PLA2G4C: variants seen among roughly 807,000 people sequenced by gnomAD.
PLA2G4C encodes cytosolic phospholipase A2 gamma.
PLA2G4C carries 64 observed loss-of-function variants against 73.8 expected under a neutral mutation model. That is an observed-to-expected ratio of 0.87 (90% CI 0.71 to 1.07). PLA2G4C has a LOEUF of 1.07. Among genes scored for constraint, PLA2G4C ranks in the 50% least tolerant of loss-of-function variants. The probability of loss-of-function intolerance (pLI) is 0.00; values close to 1 mark genes in which losing one functional copy is unlikely to be tolerated. For synonymous variants in PLA2G4C, 254 were observed against 252.1 expected, an observed-to-expected ratio of 1.01 and a Z score of -0.07; for missense variants, 622 against 665.4, an observed-to-expected ratio of 0.93 and a Z score of 0.72.
chr19:48,062,325 C>A, intron 13 of PLA2G4C, 173 bp from the exon 14 acceptor site: 2 of 561,766 alleles, frequency 3.6e-6, no homozygotes, highest in Non-Finnish European at 6.0e-6. Flanking sequence ...TATGTTGAAG[C>A]CCTGGCTGGG....
intron 12 of PLA2G4C, among the ~76,000 whole-genome samples, chr19:48,073,638 G>T (rs190819614): frequency 2.2e-4 from 33 of 152,104 alleles, no homozygotes; most frequent in African/African-American, 7.5e-4. Context: ...AATTTATAAA[G>T]AAAAGAGGTT....
At chr19:48,104,420 A>C (rs1568455463) in intron 4 of PLA2G4C, 168 bp downstream of exon 4, 1 of 624,636 alleles carries the variant, frequency 1.6e-6, no homozygotes, top group Non-Finnish European at 2.7e-6. Flanking sequence ...ATCTGATGTG[A>C]ACTCCAGGTA....
chr19:48,058,759 A>C (rs1272813672), intron 14 of PLA2G4C, among the ~76,000 whole-genome samples: 4 of 151,492 alleles, frequency 2.6e-5, no homozygotes, highest in Non-Finnish European at 5.9e-5. Context: ...CGAAGGTTGC[A>C]GTGAGCCAAG....
At chr19:48,085,705 G>A (rs2030931994) in intron 9 of PLA2G4C, among the ~76,000 whole-genome samples, 1 of 151,998 alleles carries the variant, frequency 6.6e-6, no homozygotes, top group Non-Finnish European at 1.5e-5. Flanking sequence ...TTTGAAGGAA[G>A]TGACGGGCTG....
chr19:48,104,791 G>C, intron 3 of PLA2G4C, 67 bp from the exon 4 acceptor site: 1 of 1,525,504 alleles, frequency 6.6e-7, no homozygotes, highest in South Asian at 1.2e-5. Context: ...ACAAGAAGAA[G>C]GGTACCTGGG....
Position 48,052,842 on chromosome 19 carries a change from T to A in PLA2G4C, c.1580+155A>T, listed in dbSNP as rs1967776525. On this transcript the variant is annotated intron_variant, in intron 16 of 16. Coordinates refer to ENST00000599921, the MANE Select transcript of PLA2G4C (RefSeq NM_003706.3). Reference sequence around the variant, plus strand: ...AACCATTCACTCCTGACCCTGTTCATGGTCTGTCCCCTGCTGAGACGCAAG... The same window carrying A: ...AACCATTCACTCCTGACCCTGTTCAAGGTCTGTCCCCTGCTGAGACGCAAG... 7.3e-6 allele frequency: 5 copies of A among 688,854 alleles called. No individual in the cohort carries two copies. The East Asian group carries it at 1.1e-4, about 15-fold the overall frequency. The allele number at this position is 688,854 out of a possible 1,614,324, so 42.7% of individuals were successfully genotyped here.
chr19:48,109,578 A>G (rs967525074), intron 1 of PLA2G4C, among the ~76,000 whole-genome samples: 2 of 152,136 alleles, frequency 1.3e-5, no homozygotes, highest in African/African-American at 4.8e-5. Context: ...GGCCAGACAT[A>G]GGCTCTTAAA....
At chr19:48,106,765 T>C (rs913784244) in intron 1 of PLA2G4C, 1 of 565,612 alleles carries the variant, frequency 1.8e-6, no homozygotes, top group Non-Finnish European at 3.1e-6. Flanking sequence ...GGAGAAATAT[T>C]TCAAGCGCGT....
At chr19:48,105,804 C>T (rs1336623325) in intron 2 of PLA2G4C, among the ~76,000 whole-genome samples, 1 of 112,316 alleles carries the variant, frequency 8.9e-6, no homozygotes, top group South Asian at 3.6e-4. Context: ...CCCTCCCTCC[C>T]TCCCTCCCCT....
At chr19:48,097,484 C>A in intron 6 of PLA2G4C, among the ~76,000 whole-genome samples, 1 of 151,648 alleles carries the variant, frequency 6.6e-6, no homozygotes, top group Admixed American at 6.6e-5. Context: ...GATCTCCTGA[C>A]CTCGTGATCC....
intron 12 of PLA2G4C, chr19:48,074,528 T>A: frequency 1.9e-6 from 1 of 522,412 alleles, no homozygotes. Context: ...CCAAATAGTA[T>A]TTCTGGATCT....
intron 9 of PLA2G4C, among the ~76,000 whole-genome samples, chr19:48,086,199 G>C (rs1176648196): frequency 1.3e-5 from 2 of 152,166 alleles, no homozygotes; most frequent in African/African-American, 4.8e-5. Context: ...TATCTCTGCA[G>C]GGAAAGCTTA....
chr19:48,088,918 T>C (rs1376006646), intron 8 of PLA2G4C, among the ~76,000 whole-genome samples: 2 of 152,166 alleles, frequency 1.3e-5, no homozygotes, highest in African/African-American at 4.8e-5. Context: ...TAGCCTGAAG[T>C]TGGCCACGGT....
chr19:48,096,348 G>A (rs980165491), intron 6 of PLA2G4C, among the ~76,000 whole-genome samples: 8 of 151,728 alleles, frequency 5.3e-5, no homozygotes, highest in African/African-American at 1.2e-4. Context: ...TTTGGGAGGC[G>A]GAGGTGAGTG....
At chr19:48,068,607 A>G (rs1968538155) in intron 12 of PLA2G4C, among the ~76,000 whole-genome samples, 1 of 152,092 alleles carries the variant, frequency 6.6e-6, no homozygotes, top group South Asian at 2.1e-4. Flanking sequence ...CAGGAGGATC[A>G]CTTGAACCCA....
intron 13 of PLA2G4C, among the ~76,000 whole-genome samples, chr19:48,063,232 CA>C (rs1968263460): frequency 6.6e-6 from 1 of 152,100 alleles, no homozygotes; most frequent in Admixed American, 6.5e-5. Flanking sequence ...CTAGTAGAGA[CA>C]AGGTTTCCCC....
chr19:48,064,638 C>T (rs1185809703), intron 13 of PLA2G4C: 1 of 152,148 alleles, frequency 6.6e-6, no homozygotes, highest in Non-Finnish European at 1.5e-5. Context: ...CCTGGGGATA[C>T]AGCCCAGCAA....
At chr19:48,088,166 G>A (rs2031093405) in intron 9 of PLA2G4C, among the ~76,000 whole-genome samples, 2 of 152,070 alleles carry the variant, frequency 1.3e-5, no homozygotes, top group South Asian at 4.1e-4. Flanking sequence ...AGCTTCAAGA[G>A]TCTTCTACCA....
intron 14 of PLA2G4C, among the ~76,000 whole-genome samples, chr19:48,059,380 T>C (rs1968083335): frequency 6.6e-6 from 1 of 152,114 alleles, no homozygotes; most frequent in African/African-American, 2.4e-5. Context: ...GTGTAATCAA[T>C]TGTGATGGTG....
Sources: allele counts gnomAD v4.1 joint callset (sites outside exome capture counted in the v4.1 genomes callset), GRCh38; gene constraint gnomAD v4.1.1; transcripts MANE v1.5; gene names NCBI Gene and HGNC (gene_info 2026-07-23, HGNC 2026-07-21).